ENOX1: variants seen among roughly 807,000 people sequenced by gnomAD.
The protein encoded by ENOX1 is candidate growth-related and time keeping constitutive hydroquinone (NADH) oxidase.
Under a neutral mutation model 82.5 loss-of-function variants are expected in ENOX1, and 42 were observed. The ratio of observed to expected loss-of-function variants is 0.51; its 90% CI spans 0.40 to 0.66. The LOEUF is 0.66. Ranked by LOEUF, ENOX1 falls within the 30% of genes least tolerant of loss-of-function variation. ENOX1 has a pLI of 0.00. For missense variants in ENOX1, 608 were observed against 811.6 expected (o/e 0.75, Z 3.05); for synonymous variants, 271 against 282.2 (o/e 0.96, Z 0.40).
intron 2 of ENOX1, among the ~76,000 whole-genome samples, chr13:43,491,165 C>T (rs1362866284): frequency 6.6e-6 from 1 of 152,056 alleles, no homozygotes; most frequent in African/African-American, 2.4e-5. Context: ...ACAGCAGGGG[C>T]AAGAGAGAAA....
intron 2 of ENOX1, among the ~76,000 whole-genome samples, chr13:43,554,472 T>C (rs963277193): frequency 6.6e-6 from 1 of 152,222 alleles, no homozygotes; most frequent in African/African-American, 2.4e-5. Context: ...TTTTTGTAAT[T>C]GTTTTGTATC....
intron 2 of ENOX1, among the ~76,000 whole-genome samples, chr13:43,638,287 A>G (rs889095151): frequency 3.9e-5 from 6 of 152,344 alleles, no homozygotes; most frequent in East Asian, 1.9e-4. Flanking sequence ...ACTGGAAGCC[A>G]TAATTTCCAT....
At chr13:43,777,085 A>G (rs2153837788) in intron 1 of ENOX1, among the ~76,000 whole-genome samples, 1 of 152,338 alleles carries the variant, frequency 6.6e-6, no homozygotes, top group East Asian at 1.9e-4. Flanking sequence ...CATACTTTAA[A>G]AAGGTTCGCT....
At position 43,224,144 on chromosome 13, in the gene ENOX1, T is replaced by A; in HGVS notation, c.1715-6A>T. Reference sequence around the variant, plus strand: ...AAGAAACGTTGATATGATACCTGAATTAAAAAGGCAAACATTGGAAATTAT... The same window carrying A: ...AAGAAACGTTGATATGATACCTGAAATAAAAAGGCAAACATTGGAAATTAT... On this transcript the variant is annotated splice_polypyrimidine_tract_variant and splice_region_variant and intron_variant, in intron 15 of 16. Coordinates refer to ENST00000690772, the MANE Select transcript of ENOX1 (RefSeq NM_001347969.2). The A allele has an allele frequency of 6.2e-7, 1 of 1,610,226 alleles. No homozygotes were observed. Among genetic ancestry groups the A allele is most frequent in the Admixed American group, 1.7e-5 (1 of 59,988 alleles).
At chr13:43,321,424 C>T (rs771789944) in intron 11 of ENOX1, among the ~76,000 whole-genome samples, 1 of 152,194 alleles carries the variant, frequency 6.6e-6, no homozygotes, top group Admixed American at 6.5e-5. Flanking sequence ...GACCATCACT[C>T]GCACCCCTAC....
At position 43,680,499 on chromosome 13, in the gene ENOX1, G is replaced by A. The variant is rs994972386; in HGVS notation, c.-284-12955C>T. Reference sequence around the variant, plus strand: ...AAAAATACATCATCTCTGCCTTGGAGAAGATGCAGCAAGACTGAGTGCATA... The same window carrying A: ...AAAAATACATCATCTCTGCCTTGGAAAAGATGCAGCAAGACTGAGTGCATA... On this transcript the variant is annotated intron_variant, in intron 1 of 16. Transcript: ENST00000690772. 2.6e-5 allele frequency among the ~76,000 whole-genome samples: 4 copies of A among 152,138 alleles called. No homozygotes were observed. The East Asian group carries it at 7.7e-4, about 29-fold the overall frequency.
At chr13:43,686,648 A>G (rs1297703424) in intron 1 of ENOX1, among the ~76,000 whole-genome samples, 1 of 152,210 alleles carries the variant, frequency 6.6e-6, no homozygotes, top group Non-Finnish European at 1.5e-5. Flanking sequence ...ACATGGTATC[A>G]CACTCATTCA....
At chr13:43,491,615 A>G (rs2076622223) in intron 2 of ENOX1, among the ~76,000 whole-genome samples, 2 of 152,062 alleles carry the variant, frequency 1.3e-5, no homozygotes, top group Non-Finnish European at 1.5e-5. Context: ...TAAAAGTACA[A>G]AAATAGCCAG....
In ENOX1 at chr13:43,411,924, A is replaced by T; in HGVS notation, c.200T>A (p.Leu67His). ...MVPVGLPGQQ[L>H]VSDSICVPGF... Reference sequence around the variant, plus strand: ...ACCAGGAGAAAGCTTACCAGACACGAGCTGCTGTCCAGGCAACCCTACGGG... The same window carrying T: ...ACCAGGAGAAAGCTTACCAGACACGTGCTGCTGTCCAGGCAACCCTACGGG... The change falls in exon 5 of 17, where the codon CTC (leucine) becomes CAC (histidine). Residue 67 changes from leucine (L) to histidine (H), a missense_variant. Physicochemically the swap from Leu to His is moderately conservative, Grantham distance 99. Transcript: ENST00000690772. 6.2e-7 allele frequency: 1 copy of T among 1,614,194 alleles called. No individual in the cohort carries two copies. Among genetic ancestry groups the T allele is most frequent in the Non-Finnish European group, 8.5e-7 (1 of 1,180,012 alleles).
intron 1 of ENOX1, among the ~76,000 whole-genome samples, chr13:43,673,017 A>G (rs1429049905): frequency 2.6e-5 from 4 of 152,088 alleles, no homozygotes. Context: ...CCTTTTCTAG[A>G]TCAATTCTTT....
chr13:43,393,970 C>T (rs140852881), intron 5 of ENOX1, among the ~76,000 whole-genome samples: 29 of 152,216 alleles, frequency 1.9e-4, no homozygotes, highest in African/African-American at 6.7e-4. Context: ...ATCTTGGCAC[C>T]ACCTCCTCTC....
chr13:43,578,037 C>T (rs2080523478), intron 2 of ENOX1, among the ~76,000 whole-genome samples: 1 of 151,940 alleles, frequency 6.6e-6, no homozygotes, highest in Admixed American at 6.6e-5. Context: ...TGGGCAATCC[C>T]ACAAAATATG....
chr13:43,709,703 A>G (rs932118554), intron 1 of ENOX1, among the ~76,000 whole-genome samples: 1 of 152,266 alleles, frequency 6.6e-6, no homozygotes, highest in Admixed American at 6.5e-5. Flanking sequence ...AAAGATAAAA[A>G]GGTAGAAGTT....
chr13:43,313,568 T>C (rs188755795), intron 11 of ENOX1, among the ~76,000 whole-genome samples: 20 of 152,290 alleles, frequency 1.3e-4, no homozygotes, highest in Middle Eastern at 3.4e-3. Flanking sequence ...TACATGCATA[T>C]ATTGACATTT....
intron 2 of ENOX1, among the ~76,000 whole-genome samples, chr13:43,572,069 G>A (rs966720620): frequency 6.6e-6 from 1 of 152,110 alleles, no homozygotes; most frequent in African/African-American, 2.4e-5. Flanking sequence ...AGACAAAAAT[G>A]AAGGTTGCTA....
intron 1 of ENOX1, among the ~76,000 whole-genome samples, chr13:43,761,846 C>G (rs1377385207): frequency 6.6e-6 from 1 of 152,064 alleles, no homozygotes; most frequent in Non-Finnish European, 1.5e-5. Context: ...AGCTGTAGAA[C>G]AGGAAGAGAA....
chr13:43,435,412 G>A (rs935525535), intron 3 of ENOX1, among the ~76,000 whole-genome samples: 2 of 152,148 alleles, frequency 1.3e-5, no homozygotes, highest in Non-Finnish European at 2.9e-5. Context: ...CTGAGAAAGT[G>A]GAGGCCATGG....
intron 7 of ENOX1, among the ~76,000 whole-genome samples, chr13:43,357,585 A>G (rs2050232723): frequency 6.6e-6 from 1 of 152,242 alleles, no homozygotes; most frequent in Non-Finnish European, 1.5e-5. Context: ...AGCAGGCCAC[A>G]GTGATACACG....
chr13:43,572,572 T>G (rs1158604104), intron 2 of ENOX1, among the ~76,000 whole-genome samples: 1 of 152,240 alleles, frequency 6.6e-6, no homozygotes, highest in Non-Finnish European at 1.5e-5. Flanking sequence ...CAGACCAAAG[T>G]GGAAAAAGCA....
Sources: allele counts gnomAD v4.1 joint callset (sites outside exome capture counted in the v4.1 genomes callset), GRCh38; gene constraint gnomAD v4.1.1; transcripts MANE v1.5; gene names NCBI Gene and HGNC (gene_info 2026-07-23, HGNC 2026-07-21).